Variants in APPL1 observed in about 807,000 individuals in gnomAD.
APPL1 encodes the protein DCC-interacting protein 13-alpha.
APPL1 carries 42 observed loss-of-function variants against 106.8 expected under a neutral mutation model. That is an observed-to-expected ratio of 0.39 (90% CI 0.31 to 0.51). APPL1 has a LOEUF of 0.51. Ranked by LOEUF, APPL1 falls within the 20% of genes least tolerant of loss-of-function variation. The pLI is 0.75. For synonymous variants in APPL1, 263 were observed against 281.8 expected, an observed-to-expected ratio of 0.93 and a Z score of 0.67; for missense variants, 769 against 858.2, an observed-to-expected ratio of 0.90 and a Z score of 1.30.
At chr3:57,241,775 A>G (rs1276445135) in intron 5 of APPL1, among the ~76,000 whole-genome samples, 1 of 152,244 alleles carries the variant, frequency 6.6e-6, no homozygotes, top group Non-Finnish European at 1.5e-5. Context: ...TAGCATTTGA[A>G]TATTTAGATT....
At chr3:57,260,283 G>T (rs930041872) in intron 18 of APPL1, 130 bp downstream of exon 18, 2 of 1,018,188 alleles carry the variant, frequency 2.0e-6, no homozygotes, top group Non-Finnish European at 2.8e-6. Flanking sequence ...TTTGGCTGTT[G>T]TAGTTAAGTC....
chr3:57,267,526 A>G (rs1237108028), intron 19 of APPL1, among the ~76,000 whole-genome samples: 2 of 152,204 alleles, frequency 1.3e-5, no homozygotes, highest in South Asian at 4.1e-4. Context: ...GAAGTGGGGT[A>G]TATATGAAGG....
At chr3:57,236,883 A>G (rs2060719134) in intron 2 of APPL1, among the ~76,000 whole-genome samples, 1 of 152,114 alleles carries the variant, frequency 6.6e-6, no homozygotes, top group Non-Finnish European at 1.5e-5. Flanking sequence ...CCCTTCTCAT[A>G]TTGTTTGCTT....
intron 17 of APPL1, 31 bp from the exon 18 acceptor site, chr3:57,260,086 T>C: frequency 6.2e-7 from 1 of 1,606,142 alleles, no homozygotes; most frequent in Non-Finnish European, 8.5e-7. Flanking sequence ...TAATTAAAAT[T>C]TGTTTTCCAA....
intron 11 of APPL1, 104 bp downstream of exon 11, chr3:57,249,652 T>C (rs1045060977): frequency 3.2e-5 from 33 of 1,043,782 alleles, no homozygotes; most frequent in Admixed American, 9.9e-5. Flanking sequence ...TTTAGGTTCA[T>C]TATGTATTAA....
At chr3:57,263,001 G>A (rs1016369928) in intron 19 of APPL1, among the ~76,000 whole-genome samples, 7 of 151,696 alleles carry the variant, frequency 4.6e-5, no homozygotes, top group African/African-American at 9.7e-5. Flanking sequence ...ATAGGCATGC[G>A]CCACCACGCC....
At position 57,235,679 on chromosome 3, in the gene APPL1, A is replaced by G; in HGVS notation, c.153+15A>G. 1 of 1,581,370 alleles carries G rather than the reference A, an allele frequency of 6.3e-7. No individual in the cohort carries two copies. Among genetic ancestry groups the G allele is most frequent in the Non-Finnish European group, 8.7e-7 (1 of 1,152,606 alleles). ...ATGATGCACAGGTAAAACACTAAGG[A>G]CTAACTTGATGCTTTTAAAACACGA... is the stretch of plus-strand genomic sequence containing the variant. On this transcript the variant is annotated intron_variant, in intron 2 of 21. Coordinates refer to ENST00000288266, the MANE Select transcript of APPL1 (RefSeq NM_012096.3).
chr3:57,240,894 T>C (rs2060742999), intron 5 of APPL1, among the ~76,000 whole-genome samples: 1 of 152,182 alleles, frequency 6.6e-6, no homozygotes, highest in African/African-American at 2.4e-5. Flanking sequence ...GACATGAGCA[T>C]TGAACAGTGA....
chr3:57,244,879 A>G (rs2060764555), intron 7 of APPL1, among the ~76,000 whole-genome samples: 1 of 152,204 alleles, frequency 6.6e-6, no homozygotes. Context: ...GTTACTGAAA[A>G]TGGAGAGGAA....
At position 57,235,616 on chromosome 3, in the gene APPL1, C is replaced by G; in HGVS notation, c.105C>G (p.Asn35Lys). ...AAGAAGATGCCACAGCTATTTCCAA[C>G]TATATGAACCAGTTGTATCAAGCTA... Reference protein sequence around the residue: ...VFEEDATAISNYMNQLYQAMH... With the variant: ...VFEEDATAISKYMNQLYQAMH... Residue 35 changes from asparagine to lysine, a missense_variant, in exon 2 of 22, where the codon AAC (asparagine) becomes AAG (lysine). Coordinates refer to ENST00000288266, the MANE Select transcript of APPL1 (RefSeq NM_012096.3). 1 of 1,613,420 alleles carries G rather than the reference C, an allele frequency of 6.2e-7. No individual in the cohort carries two copies. The highest frequency in any genetic ancestry group is 8.5e-7 in the Non-Finnish European group (1 of 1,179,578).
rs752690932 is a variant in APPL1 at position 57,259,977 on chromosome 3, G to A, written c.1616G>A (p.Arg539His). 9 of 1,613,700 alleles carry A rather than the reference G, an allele frequency of 5.6e-6. No homozygotes were observed. Among genetic ancestry groups the A allele is most frequent in the Admixed American group, 1.7e-5 (1 of 59,916 alleles). Reference sequence around the variant, plus strand: ...GCCCGGGCCATCCATAACATCTTTCGTATGACAGAATCGCATTTATTAGTC... The same window carrying A: ...GCCCGGGCCATCCATAACATCTTTCATATGACAGAATCGCATTTATTAGTC... ...LAARAIHNIFRMTESHLLVTC... is the reference protein window; with the variant it reads ...LAARAIHNIFHMTESHLLVTC... The change falls in exon 17 of 22, where the codon CGT becomes CAT. Residue 539 changes from arginine (R) to histidine (H), a missense_variant. Coordinates refer to ENST00000288266, the MANE Select transcript of APPL1 (RefSeq NM_012096.3).
At chr3:57,231,270 C>T (rs1336142512) in intron 1 of APPL1, among the ~76,000 whole-genome samples, 4 of 121,958 alleles carry the variant, frequency 3.3e-5, no homozygotes, top group Admixed American at 2.3e-4. Context: ...ACCCGGGAGG[C>T]GGGGGTTGCA....
At chr3:57,244,342 G>A (rs181709295) in intron 7 of APPL1, among the ~76,000 whole-genome samples, 73 of 152,184 alleles carry the variant, frequency 4.8e-4, no homozygotes, top group Non-Finnish European at 2.6e-4. Context: ...TTTTAGTAGA[G>A]GTGGGGTTTC....
At chr3:57,244,650 G>A (rs574110422) in intron 7 of APPL1, among the ~76,000 whole-genome samples, 14 of 152,326 alleles carry the variant, frequency 9.2e-5, no homozygotes, top group African/African-American at 3.4e-4. Flanking sequence ...GAAAGAGTAA[G>A]AAGTATATTA....
Position 57,227,765 on chromosome 3 carries a change from C to T in APPL1, c.-119C>T, listed in dbSNP as rs1042034695. 7.0e-5 allele frequency: 58 copies of T among 824,580 alleles called. No individual in the cohort carries two copies. In the Admixed American group the frequency reaches 7.7e-4, roughly 11 times the overall value. The allele number at this position is 824,580 out of a possible 1,614,324, so 51.1% of individuals were successfully genotyped here. Reference sequence around the variant, plus strand: ...CGGCGCCTGGAGAAGGCTGTGCGGGCGGGGACGGCTGCAGCCCTTGCCGGA... The same window carrying T: ...CGGCGCCTGGAGAAGGCTGTGCGGGTGGGGACGGCTGCAGCCCTTGCCGGA... On this transcript the variant is annotated 5_prime_UTR_variant, in exon 1 of 22. Coordinates refer to ENST00000288266, the MANE Select transcript of APPL1 (RefSeq NM_012096.3).
chr3:57,260,513 G>T, intron 18 of APPL1, 115 bp from the exon 19 acceptor site: 1 of 933,688 alleles, frequency 1.1e-6, no homozygotes, highest in Non-Finnish European at 1.5e-6. Context: ...TAAAATAATT[G>T]GCTTTAATAT....
At position 57,227,829 on chromosome 3, in the gene APPL1, G is replaced by C; in HGVS notation, c.-55G>C. 2 of 1,405,022 alleles carry C rather than the reference G, an allele frequency of 1.4e-6. No individual in the cohort carries two copies. Among genetic ancestry groups the C allele is most frequent in the Non-Finnish European group, 1.9e-6 (2 of 1,067,566 alleles). 87.0% of individuals were successfully genotyped at this position (1,405,022 alleles called of 1,614,324 possible). On this transcript the variant is annotated 5_prime_UTR_variant, in exon 1 of 22. Transcript: ENST00000288266. ...GGTCAGCTGCGGCGGGCGGGCCGGC[G>C]CGGGGAGCTGTGGGCGGCAGCTGCG...
intron 1 of APPL1, among the ~76,000 whole-genome samples, chr3:57,232,846 C>T (rs2060694610): frequency 1.3e-5 from 2 of 151,816 alleles, no homozygotes; most frequent in African/African-American, 4.8e-5. Context: ...ACTAAAAATA[C>T]AAAAAATTAG....
chr3:57,268,533 C>T, intron 21 of APPL1, 46 bp downstream of exon 21: 1 of 1,526,806 alleles, frequency 6.5e-7, no homozygotes, highest in Non-Finnish European at 8.8e-7. Context: ...TTTGTGAAGA[C>T]TTAATTCAGC....
Sources: allele counts gnomAD v4.1 joint callset (sites outside exome capture counted in the v4.1 genomes callset), GRCh38; gene constraint gnomAD v4.1.1; transcripts MANE v1.5; gene names NCBI Gene and HGNC (gene_info 2026-07-23, HGNC 2026-07-21).